PREX1: variants seen among roughly 807,000 people sequenced by gnomAD.
PREX1 encodes the protein phosphatidylinositol 3,4,5-trisphosphate-dependent Rac exchanger 1 protein.
In PREX1, 41 loss-of-function variants were observed where a neutral mutation model predicts 198.3. That is an observed-to-expected ratio of 0.21 (90% confidence interval 0.16 to 0.27). The LOEUF (loss-of-function observed/expected upper bound fraction) is 0.27, where lower values mean the gene tolerates loss of function less well. Ranked by LOEUF, PREX1 falls within the 10% of genes least tolerant of loss-of-function variation. PREX1 has a pLI of 1.00. For missense variants in PREX1, 1,620 were observed against 2,200.7 expected (o/e 0.74, Z 5.28); for synonymous variants, 843 against 887.2 (o/e 0.95, Z 0.89).
Position 48,691,635 on chromosome 20 carries a change from C to T in PREX1, c.1037-539G>A, listed in dbSNP as rs1283494851. Among the ~76,000 whole-genome samples the T allele has an allele frequency of 6.6e-6, 1 of 152,222 alleles. No individual in the cohort carries two copies. Among genetic ancestry groups the T allele is most frequent in the Non-Finnish European group, 1.5e-5 (1 of 68,042 alleles). On this transcript the variant is annotated intron_variant, in intron 8 of 39. Coordinates refer to ENST00000371941, the MANE Select transcript of PREX1 (RefSeq NM_020820.4). This position sits in a 1 kb window ranked among gnomAD's most constrained non-coding sequence, Gnocchi z 5.0. Reference sequence around the variant, plus strand: ...GTGGCTCAAAACCAAGCAAGAACCCCTGCTCTGGACAAGCTCAAAAGCACA... The same window carrying T: ...GTGGCTCAAAACCAAGCAAGAACCCTTGCTCTGGACAAGCTCAAAAGCACA...
intron 3 of PREX1, among the ~76,000 whole-genome samples, chr20:48,736,352 G>T (rs1186802156): frequency 6.6e-6 from 1 of 152,066 alleles, no homozygotes; most frequent in Non-Finnish European, 1.5e-5. Context: ...ACCACACAAT[G>T]ATCTCAAGCA....
chr20:48,669,910 C>G (rs2089663896), intron 14 of PREX1, among the ~76,000 whole-genome samples: 1 of 152,138 alleles, frequency 6.6e-6, no homozygotes, highest in African/African-American at 2.4e-5. Flanking sequence ...GGACCCCAGA[C>G]AGCCTCTTTA....
rs1173427956 is a variant in PREX1 at position 48,641,824 on chromosome 20, AAG to A, written c.3775+342_3775+343del. Reference sequence around the variant, plus strand: ...CAAGAAAGAAAGAAAGAAAGAAAGAAAGAGAGAGAGAGAGAGAGGAAGGAAGG... The same window carrying A: ...CAAGAAAGAAAGAAAGAAAGAAAGAAAGAGAGAGAGAGAGAGGAAGGAAGG... On this transcript the variant is annotated intron_variant, in intron 29 of 39. Transcript: ENST00000371941. 1.0e-3 allele frequency among the ~76,000 whole-genome samples: 115 copies of A among 114,936 alleles called. 2 individuals carry two copies. Among genetic ancestry groups the A allele is most frequent in the Middle Eastern group, 4.3e-3 (1 of 232 alleles). The allele number at this position is 114,936 out of a possible 152,430, so 75.4% of individuals were successfully genotyped here.
chr20:48,636,532 C>T lies in PREX1; in HGVS notation c.4098G>A (p.Lys1366=), dbSNP rs778120045. Reference sequence around the variant, plus strand: ...CCGTGGCCGCCACCTGCTCCAGCCACTTGCGGCTGGCGTCGCGGCTGCTCT... The same window carrying T: ...CCGTGGCCGCCACCTGCTCCAGCCATTTGCGGCTGGCGTCGCGGCTGCTCT... The part of the protein sequence containing the change: ...YEESSRDASR[K]WLEQVAATGV... Residue 1366 remains lysine, a synonymous_variant, in exon 32 of 40, where the codon AAG becomes AAA. Transcript: ENST00000371941. 1 of 1,611,802 alleles carries T rather than the reference C, an allele frequency of 6.2e-7. No individual in the cohort carries two copies. Among genetic ancestry groups the T allele is most frequent in the Middle Eastern group, 1.7e-4 (1 of 6,050 alleles).
At position 48,646,163 on chromosome 20, in the gene PREX1, T is replaced by C; in HGVS notation, c.3306-106A>G. ...CAGGTGTGAGCACTGGCCCTCCTGT[T>C]GGGGGTGGGAGACTCGCAAGTTCTT... On this transcript the variant is annotated intron_variant, in intron 25 of 39. Transcript: ENST00000371941. 4.4e-6 allele frequency: 5 copies of C among 1,144,174 alleles called. No homozygotes were observed. The South Asian group carries it at 5.4e-5, about 12-fold the overall frequency. The allele number at this position is 1,144,174 out of a possible 1,614,324, so 70.9% of individuals were successfully genotyped here. A position where few individuals can be genotyped will look rare whatever the true frequency, so the allele number is the denominator to read the frequency against.
At chr20:48,650,352 C>A in intron 23 of PREX1, 146 bp from the exon 24 acceptor site, 1 of 840,876 alleles carries the variant, frequency 1.2e-6, no homozygotes, top group Non-Finnish European at 1.9e-6. Context: ...GAAGGGGAAC[C>A]CCTGGACTGT....
rs534047106 is a variant in PREX1, at chr20:48,667,754, G to A, written c.1666-1399C>T. Among the ~76,000 whole-genome samples the A allele has an allele frequency of 2.6e-4, 39 of 152,290 alleles. 1 individual carries two copies. The South Asian group carries it at 2.7e-3, about 11-fold the overall frequency. ...GCACGGCCCGTGTGCTGGACCCTGC[G>A]GGTTTGGCCTTTGGGGCCAACTCTC... On this transcript the variant is annotated intron_variant, in intron 14 of 39. Transcript: ENST00000371941.
chr20:48,656,120 C>G (rs1354474276), intron 18 of PREX1, among the ~76,000 whole-genome samples: 1 of 152,184 alleles, frequency 6.6e-6, no homozygotes, highest in Non-Finnish European at 1.5e-5. Flanking sequence ...CGCCTTTTTA[C>G]TGAAATAATC....
At chr20:48,733,286 G>A (rs989595809) in intron 4 of PREX1, among the ~76,000 whole-genome samples, 2 of 152,152 alleles carry the variant, frequency 1.3e-5, no homozygotes, top group Admixed American at 6.5e-5. Context: ...AACTGCTTTA[G>A]GGATCCACTC....
chr20:48,767,313 G>A (rs2090213153), intron 1 of PREX1, among the ~76,000 whole-genome samples: 1 of 152,154 alleles, frequency 6.6e-6, no homozygotes, highest in South Asian at 2.1e-4. Flanking sequence ...CCTTCCCTGG[G>A]GGACCTGACT....
intron 6 of PREX1, among the ~76,000 whole-genome samples, chr20:48,707,382 C>T (rs1377920887): frequency 1.3e-5 from 2 of 152,208 alleles, no homozygotes; most frequent in South Asian, 2.1e-4. Flanking sequence ...ACAATATCCA[C>T]CCCTCCCTGA....
intron 3 of PREX1, among the ~76,000 whole-genome samples, chr20:48,742,577 T>C (rs1345001390): frequency 6.6e-6 from 1 of 152,068 alleles, no homozygotes; most frequent in East Asian, 1.9e-4. Context: ...CACAAAGGCC[T>C]AAACATCCAC....
intron 1 of PREX1, among the ~76,000 whole-genome samples, chr20:48,825,033 G>T (rs1203209914): frequency 6.6e-6 from 1 of 152,184 alleles, no homozygotes; most frequent in Non-Finnish European, 1.5e-5. Flanking sequence ...AGGCTGAGAA[G>T]AGAGAGTGGG....
intron 10 of PREX1, 39 bp downstream of exon 10, chr20:48,688,618 A>G: frequency 6.2e-7 from 1 of 1,612,152 alleles, no homozygotes; most frequent in Non-Finnish European, 8.5e-7. Flanking sequence ...TCCAGCTGAG[A>G]GCCCAGGGAC....
intron 24 of PREX1, 96 bp from the exon 25 acceptor site, chr20:48,649,672 T>A: frequency 7.2e-7 from 1 of 1,383,294 alleles, no homozygotes; most frequent in Admixed American, 2.7e-5. Context: ...AGGATCCCAA[T>A]GAAGGAGAAA....
At chr20:48,714,624 T>C (rs1353889669) in intron 5 of PREX1, among the ~76,000 whole-genome samples, 1 of 152,170 alleles carries the variant, frequency 6.6e-6, no homozygotes, top group African/African-American at 2.4e-5. Flanking sequence ...TTGGTGGAGA[T>C]ATGAAAAAAA....
In PREX1 at chr20:48,827,559, G is replaced by A. The variant is rs1300098006; in HGVS notation, c.219+83C>T. On this transcript the variant is annotated intron_variant, in intron 1 of 39. Coordinates refer to ENST00000371941, the MANE Select transcript of PREX1 (RefSeq NM_020820.4). This position sits in a 1 kb window ranked among gnomAD's most constrained non-coding sequence, Gnocchi z 4.1. ...CCCGAGGCAATTCTCCACCCACGGG[G>A]ACCACGGCCACAGGTTGTGGGGACC... 3.8e-6 allele frequency: 4 copies of A among 1,046,332 alleles called. No individual in the cohort carries two copies. In the African/African-American group the frequency reaches 6.8e-5, roughly 18 times the overall value. The allele number at this position is 1,046,332 out of a possible 1,614,324, so 64.8% of individuals were successfully genotyped here.
chr20:48,868,067 C>A, the PREX1 span, among the ~76,000 whole-genome samples: 1 of 152,092 alleles, frequency 6.6e-6, no homozygotes, highest in African/African-American at 2.4e-5. Flanking sequence ...TGTCATGCAA[C>A]AAATTTGCTA....
the PREX1 span, among the ~76,000 whole-genome samples, chr20:48,866,359 T>C: frequency 6.6e-6 from 1 of 152,194 alleles, no homozygotes; most frequent in Non-Finnish European, 1.5e-5. Flanking sequence ...ACCTGGGTCC[T>C]GTGGCTCAAG....
Sources: gnomAD v4.1 joint callset for allele counts (sites outside exome capture counted in the v4.1 genomes callset) on GRCh38, gnomAD v4.1.1 for gene constraint, Gnocchi (gnomAD v3.1) non-coding constraint, MANE v1.5 for transcripts, NCBI Gene and HGNC (gene_info 2026-07-23, HGNC 2026-07-21) for gene names.